The following CDK6 variants were observed in gnomAD, a reference collection of about 807,000 sequenced individuals.
CDK6 encodes the protein cyclin-dependent kinase 6.
In CDK6, 6 loss-of-function variants were observed where a neutral mutation model predicts 37.1. That is an observed-to-expected ratio of 0.16 (90% CI 0.09 to 0.32). The LOEUF (loss-of-function observed/expected upper bound fraction) is 0.32. Ranked by LOEUF, CDK6 falls within the 10% of genes least tolerant of loss-of-function variation. The pLI is 1.00. For synonymous variants in CDK6, 160 were observed against 161.3 expected (o/e 0.99, Z 0.06); for missense variants, 224 against 418.9 (o/e 0.53, Z 4.06).
chr7:92,617,282 G>A (rs1185756739), intron 7 of CDK6, among the ~76,000 whole-genome samples: 1 of 152,096 alleles, frequency 6.6e-6, no homozygotes, highest in Admixed American at 6.6e-5. Flanking sequence ...CCCTTCTGGA[G>A]CATCGATACC....
At chr7:92,673,944 A>AT (rs968772086) in intron 4 of CDK6, among the ~76,000 whole-genome samples, 3 of 151,180 alleles carry the variant, frequency 2.0e-5, no homozygotes, top group African/African-American at 4.9e-5. Context: ...CACCCGGCTA[A>AT]TTTTTTTTGT....
In CDK6 at chr7:92,833,207, G is replaced by A. The variant is rs1378460177; in HGVS notation, c.117C>T (p.Phe39=). The A allele has an allele frequency of 1.2e-6, 2 of 1,610,158 alleles. No individual in the cohort carries two copies. The highest frequency in any genetic ancestry group is 1.7e-6 in the Non-Finnish European group (2 of 1,178,858). ...KARDLKNGGR[F]VALKRVRVQT... ...GCACCCGCACGCGCTTCAACGCCAC[G>A]AAACGGCCTCCGTTCTTCAAGTCGC... is the stretch of plus-strand genomic sequence containing the variant. The change falls in exon 2 of 8, where the codon TTC becomes TTT. Residue 39 remains phenylalanine (F), a synonymous_variant. Transcript: ENST00000424848. This position sits in a 1 kb window ranked among gnomAD's most constrained non-coding sequence, Gnocchi z 6.1.
chr7:92,667,416 T>C (rs1796982155), intron 5 of CDK6, among the ~76,000 whole-genome samples: 1 of 152,200 alleles, frequency 6.6e-6, no homozygotes, highest in African/African-American at 2.4e-5. Flanking sequence ...CTGGTTGGTC[T>C]TGAACTTCTA....
chr7:92,787,061 A>G (rs1356127895), intron 2 of CDK6, among the ~76,000 whole-genome samples: 1 of 151,930 alleles, frequency 6.6e-6, no homozygotes, highest in Admixed American at 6.6e-5. Flanking sequence ...GCATGTCTGT[A>G]ATCTCAGCTA....
At chr7:92,677,931 CT>C (rs1797244070) in intron 4 of CDK6, among the ~76,000 whole-genome samples, 1 of 152,186 alleles carries the variant, frequency 6.6e-6, no homozygotes, top group Non-Finnish European at 1.5e-5. Flanking sequence ...TATAAATTCC[CT>C]TTGCTTAGAC....
chr7:92,783,596 T>C (rs921669552), intron 2 of CDK6, among the ~76,000 whole-genome samples: 8 of 152,226 alleles, frequency 5.3e-5, no homozygotes, highest in Non-Finnish European at 1.0e-4. Flanking sequence ...TCTATCTATA[T>C]AGACCTGGCA....
intron 2 of CDK6, among the ~76,000 whole-genome samples, chr7:92,829,085 C>G (rs1801409669): frequency 6.6e-6 from 1 of 152,150 alleles, no homozygotes; most frequent in South Asian, 2.1e-4. Context: ...CCTGGCTTTA[C>G]AGAGTCAAAT....
intron 4 of CDK6, among the ~76,000 whole-genome samples, chr7:92,724,701 A>G (rs1010628028): frequency 6.6e-6 from 1 of 152,148 alleles, no homozygotes; most frequent in African/African-American, 2.4e-5. Context: ...AACCACTTTG[A>G]GGCTAAAGAT....
intron 3 of CDK6, among the ~76,000 whole-genome samples, chr7:92,769,869 G>GT (rs199843838): frequency 4.8e-4 from 72 of 150,458 alleles, no homozygotes; most frequent in South Asian, 2.1e-4. Flanking sequence ...TCTGAGAGCT[G>GT]TTTTTTTTTC....
At chr7:92,823,109 A>C (rs539421248) in intron 2 of CDK6, among the ~76,000 whole-genome samples, 91 of 151,802 alleles carry the variant, frequency 6.0e-4, no homozygotes, top group African/African-American at 2.0e-3. Flanking sequence ...AAAAAAAAAA[A>C]CCAAACCTAT....
chr7:92,716,237 T>C (rs1798227400), intron 4 of CDK6, among the ~76,000 whole-genome samples: 1 of 151,662 alleles, frequency 6.6e-6, no homozygotes, highest in Non-Finnish European at 1.5e-5. Flanking sequence ...AAGCAGGGAG[T>C]TGTGAAAGCA....
At chr7:92,723,587 A>G (rs1798417492) in intron 4 of CDK6, among the ~76,000 whole-genome samples, 1 of 152,196 alleles carries the variant, frequency 6.6e-6, no homozygotes, top group African/African-American at 2.4e-5. Context: ...GAAAAATACA[A>G]AAGAGTGGGG....
At chr7:92,816,994 A>C (rs1289342767) in intron 2 of CDK6, among the ~76,000 whole-genome samples, 1 of 151,998 alleles carries the variant, frequency 6.6e-6, no homozygotes, top group East Asian at 1.9e-4. Flanking sequence ...CAAAATTATA[A>C]AAGGTGATCT....
rs373121296 is a variant in CDK6 at position 92,787,051 on chromosome 7, G to A, written c.234-12220C>T. On this transcript the variant is annotated intron_variant, in intron 2 of 7. Coordinates refer to ENST00000424848, the MANE Select transcript of CDK6 (RefSeq NM_001145306.2). ...ACAAAAATTAGCTGGGTGTGGTGGC[G>A]CATGTCTGTAATCTCAGCTACTCAG... Among the ~76,000 whole-genome samples, 220 of 151,916 alleles carry A rather than the reference G, an allele frequency of 1.4e-3. 2 individuals carry two copies. The highest frequency in any genetic ancestry group is 2.4e-3 in the Non-Finnish European group (164 of 67,922).
intron 4 of CDK6, among the ~76,000 whole-genome samples, chr7:92,674,059 C>T (rs1797150672): frequency 6.6e-6 from 1 of 151,370 alleles, no homozygotes; most frequent in South Asian, 2.1e-4. Flanking sequence ...AGATTACAGG[C>T]ATGAGCCACT....
At position 92,834,734 on chromosome 7, in the gene CDK6, C is replaced by A. The variant is rs1039054254; in HGVS notation, c.-367-1044G>T. ...CAGGGGTGAGAGAGAAGGTCTCTGT[C>A]CTCGGGGCCCGGACTCGCGAACCTT... On this transcript the variant is annotated intron_variant, in intron 1 of 7. Coordinates refer to ENST00000424848, the MANE Select transcript of CDK6 (RefSeq NM_001145306.2). The surrounding 1 kb of genome is among the most constrained non-coding windows in gnomAD (Gnocchi z 4.6). Among the ~76,000 whole-genome samples, 5 of 152,004 alleles carry A rather than the reference C, an allele frequency of 3.3e-5. No homozygotes were observed. Among genetic ancestry groups the A allele is most frequent in the Admixed American group, 3.3e-4 (5 of 15,268 alleles).
At chr7:92,709,344 T>C (rs1461459988) in intron 4 of CDK6, among the ~76,000 whole-genome samples, 2 of 152,110 alleles carry the variant, frequency 1.3e-5, no homozygotes, top group East Asian at 1.9e-4. Context: ...CTCAACCCCA[T>C]ACCTAGAACA....
chr7:92,712,292 T>C (rs1326898289), intron 4 of CDK6, among the ~76,000 whole-genome samples: 1 of 152,198 alleles, frequency 6.6e-6, no homozygotes, highest in East Asian at 1.9e-4. Context: ...ATGGGGCTAT[T>C]TCTCTCTAAA....
At chr7:92,747,700 G>C (rs1046779761) in intron 3 of CDK6, among the ~76,000 whole-genome samples, 2 of 152,102 alleles carry the variant, frequency 1.3e-5, no homozygotes, top group African/African-American at 4.8e-5. Context: ...TTTGTCATTT[G>C]TAACACACTG....
Sources: allele counts gnomAD v4.1 joint callset (sites outside exome capture counted in the v4.1 genomes callset), GRCh38; gene constraint gnomAD v4.1.1; non-coding constraint Gnocchi (gnomAD v3.1); transcripts MANE v1.5; gene names NCBI Gene and HGNC (gene_info 2026-07-23, HGNC 2026-07-21).